BMPR1B: variants seen among roughly 807,000 people sequenced by gnomAD.
The protein encoded by BMPR1B is bone morphogenetic protein receptor type 1B, also known as bone morphogenetic protein receptor type-1B.
BMPR1B carries 12 observed loss-of-function variants against 59.1 expected under a neutral mutation model. The ratio of observed to expected loss-of-function variants is 0.20; its 90% CI spans 0.13 to 0.33. The LOEUF is 0.33. BMPR1B is among the 10% of genes least tolerant of loss of function. The pLI is 1.00. For missense variants in BMPR1B, 550 were observed against 610.9 expected, an observed-to-expected ratio of 0.90 and a Z score of 1.05; for synonymous variants, 237 against 207.3, an observed-to-expected ratio of 1.14 and a Z score of -1.23.
At chr4:95,121,535 C>G (rs1732527704) in intron 6 of BMPR1B, among the ~76,000 whole-genome samples, 1 of 151,970 alleles carries the variant, frequency 6.6e-6, no homozygotes, top group Admixed American at 6.6e-5. Context: ...AAAAATAATA[C>G]AGACACACAA....
At chr4:94,852,531 A>G (rs1175994189) in intron 1 of BMPR1B, among the ~76,000 whole-genome samples, 1 of 152,124 alleles carries the variant, frequency 6.6e-6, no homozygotes, top group Non-Finnish European at 1.5e-5. Flanking sequence ...TGTCATGGTA[A>G]CAAAAGTACA....
intron 2 of BMPR1B, among the ~76,000 whole-genome samples, chr4:94,957,012 A>T (rs1455915107): frequency 6.6e-6 from 1 of 152,214 alleles, no homozygotes; most frequent in Non-Finnish European, 1.5e-5. Flanking sequence ...GTAGATTACT[A>T]TGTTGATACA....
chr4:95,049,537 C>T (rs553883561), intron 3 of BMPR1B, among the ~76,000 whole-genome samples: 1 of 135,126 alleles, frequency 7.4e-6, no homozygotes, highest in African/African-American at 2.8e-5. Flanking sequence ...TCCACTCTGT[C>T]TAGCTTTCTT....
chr4:94,979,447 T>C (rs1024680578), intron 2 of BMPR1B, among the ~76,000 whole-genome samples: 14 of 152,234 alleles, frequency 9.2e-5, no homozygotes, highest in Admixed American at 7.9e-4. Flanking sequence ...TGAAGTTCTC[T>C]GGCAAAGCCA....
At chr4:94,823,214 T>G (rs1238231874) in intron 1 of BMPR1B, among the ~76,000 whole-genome samples, 1 of 152,066 alleles carries the variant, frequency 6.6e-6, no homozygotes, top group Non-Finnish European at 1.5e-5. Flanking sequence ...CACCAAAGAG[T>G]GACAGAAGGT....
chr4:95,078,442 G>GC (rs1728871596), intron 3 of BMPR1B, among the ~76,000 whole-genome samples: 1 of 152,070 alleles, frequency 6.6e-6, no homozygotes, highest in Non-Finnish European at 1.5e-5. Context: ...TGTATCTCAG[G>GC]CACTGGGCTC....
intron 2 of BMPR1B, among the ~76,000 whole-genome samples, chr4:94,911,932 GCTTATAAAGATATA>G (rs1728288057): frequency 6.6e-6 from 1 of 152,048 alleles, no homozygotes; most frequent in Non-Finnish European, 1.5e-5. Context: ...TTTTCATGCT[GCTTATAAAGATATA>G]CCCGAGACTG....
At chr4:95,124,090 C>G (rs1337516026) in intron 7 of BMPR1B, among the ~76,000 whole-genome samples, 184 bp downstream of exon 7, 3 of 151,890 alleles carry the variant, frequency 2.0e-5, no homozygotes, top group Admixed American at 2.0e-4. Context: ...CAAATAGATA[C>G]CTATCTCATT....
intron 2 of BMPR1B, among the ~76,000 whole-genome samples, chr4:94,926,264 G>A (rs137857568): frequency 5.4e-4 from 82 of 151,750 alleles, no homozygotes; most frequent in African/African-American, 1.9e-3. Flanking sequence ...GGTGCTTTTC[G>A]TTCTGAATAG....
At chr4:94,846,577 C>T (rs755313090) in intron 1 of BMPR1B, among the ~76,000 whole-genome samples, 13 of 152,172 alleles carry the variant, frequency 8.5e-5, no homozygotes, top group Non-Finnish European at 1.3e-4. Context: ...CCTTGAACAT[C>T]GGACTCCAAG....
chr4:94,891,336 C>T (rs1158847349), intron 2 of BMPR1B, among the ~76,000 whole-genome samples: 1 of 152,014 alleles, frequency 6.6e-6, no homozygotes, highest in Admixed American at 6.6e-5. Flanking sequence ...GATAAATACT[C>T]TTGGATTCTG....
At position 95,155,429 on chromosome 4, in the gene BMPR1B, G is replaced by T. The variant is rs901486530; in HGVS notation, c.*756G>T. On this transcript the variant is annotated 3_prime_UTR_variant, in exon 13 of 13. Coordinates refer to ENST00000515059, the MANE Select transcript of BMPR1B (RefSeq NM_001203.3). ...TCCACTTCTGTTTCTGATTGAGTTA[G>T]GCATCTCTTTCATGGTAAAACCCTT... 3 of 141,742 alleles carry T rather than the reference G, an allele frequency of 2.1e-5. No individual in the cohort carries two copies. Among genetic ancestry groups the T allele is most frequent in the Admixed American group, 7.2e-5 (1 of 13,986 alleles). The allele number at this position is 141,742 out of a possible 1,614,324, so 8.8% of individuals were successfully genotyped here. A position where few individuals can be genotyped will look rare whatever the true frequency, so the allele number is the denominator to read the frequency against.
At chr4:95,138,857 C>A (rs1172055306) in intron 10 of BMPR1B, among the ~76,000 whole-genome samples, 1 of 152,140 alleles carries the variant, frequency 6.6e-6, no homozygotes, top group Non-Finnish European at 1.5e-5. Context: ...TTTGGCCATC[C>A]TCCTTTAGCT....
chr4:94,935,178 C>G (rs879445621), intron 2 of BMPR1B, among the ~76,000 whole-genome samples: 1 of 151,980 alleles, frequency 6.6e-6, no homozygotes, highest in Non-Finnish European at 1.5e-5. Flanking sequence ...GCTTCAAGGG[C>G]AGTTTGCATT....
At chr4:95,085,446 A>G (rs769895000) in intron 3 of BMPR1B, among the ~76,000 whole-genome samples, 4 of 152,194 alleles carry the variant, frequency 2.6e-5, no homozygotes, top group Non-Finnish European at 5.9e-5. Context: ...GTCTCAAAGA[A>G]TACCAAAGTT....
intron 1 of BMPR1B, among the ~76,000 whole-genome samples, chr4:94,771,903 AT>A (rs1370859416): frequency 6.6e-6 from 1 of 152,176 alleles, no homozygotes; most frequent in East Asian, 1.9e-4. Context: ...CTTAAAAATT[AT>A]TTTGAAGGAA....
intron 2 of BMPR1B, among the ~76,000 whole-genome samples, chr4:94,979,353 A>G (rs1009123997): frequency 6.6e-6 from 1 of 152,258 alleles, no homozygotes; most frequent in Admixed American, 6.5e-5. Context: ...GTTAAAAAAA[A>G]ACTTACACAT....
In BMPR1B at chr4:94,837,834, G is replaced by T. The variant is rs1245229875; in HGVS notation, c.-182-37997G>T. Among the ~76,000 whole-genome samples the T allele has an allele frequency of 1.9e-4, 28 of 143,846 alleles. 2 individuals are homozygous for T. Among genetic ancestry groups the T allele is most frequent in the Admixed American group, 2.8e-4 (4 of 14,516 alleles). 94.4% of individuals were successfully genotyped at this position (143,846 alleles called of 152,430 possible). ...GTGAGAGAGGGCATCCCTGTCTTGT[G>T]CCAGTTTTCAAAGGGAATGCTTCCA... On this transcript the variant is annotated intron_variant, in intron 1 of 12. Coordinates refer to ENST00000515059, the MANE Select transcript of BMPR1B (RefSeq NM_001203.3).
Position 94,804,129 on chromosome 4 carries a change from C to T in BMPR1B, c.-183+46061C>T, listed in dbSNP as rs186189734. On this transcript the variant is annotated intron_variant, in intron 1 of 12. Coordinates refer to ENST00000515059, the MANE Select transcript of BMPR1B (RefSeq NM_001203.3). ...TCCTGACCTTGTGATCCGCCTGCCT[C>T]GGCCTCCCAAAGTGCTGGGATTACA... Among the ~76,000 whole-genome samples the T allele has an allele frequency of 7.9e-3, 1,197 of 152,270 alleles. 15 individuals are homozygous for T. The highest frequency in any genetic ancestry group is 0.026 in the African/African-American group (1,098 of 41,544).
Sources: gnomAD v4.1 joint callset for allele counts (sites outside exome capture counted in the v4.1 genomes callset) on GRCh38, gnomAD v4.1.1 for gene constraint, MANE v1.5 for transcripts, NCBI Gene and HGNC (gene_info 2026-07-23, HGNC 2026-07-21) for gene names.